UTRN: variants seen among roughly 807,000 people sequenced by gnomAD.
UTRN encodes dystrophin-related protein 1.
A neutral mutation model predicts 463.9 loss-of-function variants in UTRN; 283 were observed. The ratio of observed to expected loss-of-function variants is 0.61; its 90% CI spans 0.55 to 0.67. The LOEUF is 0.67. Among genes scored for constraint, UTRN ranks in the 30% least tolerant of loss-of-function variants. The pLI is 0.00. For missense variants in UTRN, 3,922 were observed against 4,084.3 expected, an observed-to-expected ratio of 0.96 and a Z score of 1.08; for synonymous variants, 1,442 against 1,431.5, an observed-to-expected ratio of 1.01 and a Z score of -0.17.
At chr6:144,539,588 G>A in intron 45 of UTRN, 145 bp downstream of exon 45, 1 of 793,714 alleles carries the variant, frequency 1.3e-6, no homozygotes, top group South Asian at 2.6e-5. Context: ...TTTTTTATCT[G>A]TCATAGACAG....
chr6:144,489,766 C>T (rs1245647229), intron 30 of UTRN, among the ~76,000 whole-genome samples: 1 of 151,946 alleles, frequency 6.6e-6, no homozygotes, highest in Non-Finnish European at 1.5e-5. Flanking sequence ...GGATTATAGG[C>T]GCCCGCCACC....
intron 37 of UTRN, among the ~76,000 whole-genome samples, chr6:144,515,739 C>T (rs1021605232): frequency 5.9e-5 from 9 of 152,148 alleles, no homozygotes; most frequent in Non-Finnish European, 7.4e-5. Flanking sequence ...AATTTTTCTA[C>T]GTAGATGTTA....
At chr6:144,694,012 T>C (rs990326836) in intron 52 of UTRN, among the ~76,000 whole-genome samples, 2 of 152,110 alleles carry the variant, frequency 1.3e-5, no homozygotes, top group Admixed American at 6.6e-5. Flanking sequence ...ATTCAGTATG[T>C]TGTTGGCTGT....
intron 65 of UTRN, among the ~76,000 whole-genome samples, chr6:144,811,938 C>A (rs1358334985): frequency 6.6e-6 from 1 of 152,086 alleles, no homozygotes; most frequent in Admixed American, 6.6e-5. Context: ...ATTCTGTTTG[C>A]GTGCCAAGTG....
intron 58 of UTRN, among the ~76,000 whole-genome samples, chr6:144,765,087 T>C (rs1418840268): frequency 6.6e-6 from 1 of 152,154 alleles, no homozygotes; most frequent in Non-Finnish European, 1.5e-5. Flanking sequence ...TCTGGGCTCA[T>C]GTAGAAATAT....
At chr6:144,303,810 A>G (rs918580997) in intron 2 of UTRN, among the ~76,000 whole-genome samples, 3 of 152,238 alleles carry the variant, frequency 2.0e-5, no homozygotes, top group African/African-American at 4.8e-5. Context: ...GAAAATCTAT[A>G]TACTAAAAGA....
intron 53 of UTRN, among the ~76,000 whole-genome samples, chr6:144,722,321 T>G (rs568968621): frequency 8.4e-6 from 1 of 119,366 alleles, no homozygotes; most frequent in African/African-American, 2.9e-5. Flanking sequence ...TTCCCTCCGG[T>G]TTTTTTTTTT....
intron 3 of UTRN, among the ~76,000 whole-genome samples, chr6:144,409,515 G>GCC (rs1399263358): frequency 6.6e-6 from 1 of 152,110 alleles, no homozygotes; most frequent in Non-Finnish European, 1.5e-5. Context: ...GCCTCTTGTG[G>GCC]CCCCACCATC....
At chr6:144,688,236 A>G (rs1031773188) in intron 52 of UTRN, among the ~76,000 whole-genome samples, 1 of 152,010 alleles carries the variant, frequency 6.6e-6, no homozygotes, top group African/African-American at 2.4e-5. Context: ...GTTTTTTTAA[A>G]TCTATCTCAT....
chr6:144,550,101 A>G (rs932513508), intron 47 of UTRN, among the ~76,000 whole-genome samples: 7 of 152,204 alleles, frequency 4.6e-5, no homozygotes, highest in Non-Finnish European at 1.0e-4. Context: ...AAGGAATAGA[A>G]GAAATTGAGT....
chr6:144,732,243 T>TATATATATATATAC (rs1788670786), intron 54 of UTRN, among the ~76,000 whole-genome samples: 1 of 100,992 alleles, frequency 9.9e-6, no homozygotes, highest in East Asian at 2.6e-4. Flanking sequence ...TATATACATA[T>TATATATATATATAC]ATATATATAT....
At chr6:144,583,915 T>C (rs1357877657) in intron 51 of UTRN, among the ~76,000 whole-genome samples, 1 of 152,230 alleles carries the variant, frequency 6.6e-6, no homozygotes, top group Non-Finnish European at 1.5e-5. Flanking sequence ...TACTTTGCAG[T>C]ATCTTAATAG....
chr6:144,586,072 TC>T (rs1298244697), intron 51 of UTRN, among the ~76,000 whole-genome samples: 2 of 152,170 alleles, frequency 1.3e-5, no homozygotes, highest in Non-Finnish European at 2.9e-5. Flanking sequence ...GTTAGACTTT[TC>T]CCTCTGTGGC....
intron 68 of UTRN, 24 bp from the exon 69 acceptor site, chr6:144,828,766 A>T: frequency 6.2e-7 from 1 of 1,612,056 alleles, no homozygotes; most frequent in Non-Finnish European, 8.5e-7. Flanking sequence ...CATGTTGTCT[A>T]ACCTCCTTAT....
chr6:144,627,040 C>T (rs931465431), intron 51 of UTRN, among the ~76,000 whole-genome samples: 40 of 151,948 alleles, frequency 2.6e-4, no homozygotes, highest in African/African-American at 8.9e-4. Flanking sequence ...AAACACTGAC[C>T]TAGTTTTAGG....
rs537462818 is a variant in UTRN at position 144,624,929 on chromosome 6, G to A, written c.7479+47641G>A. On this transcript the variant is annotated intron_variant, in intron 51 of 74. Transcript: ENST00000367545. ...GACAGAGATTTCTTTTTAGAAAAGA[G>A]AGCGGAATGTGTTTTCTCTGAGGGC... Among the ~76,000 whole-genome samples, 3 of 152,184 alleles carry A rather than the reference G, an allele frequency of 2.0e-5. No homozygotes were observed. The South Asian group carries it at 6.2e-4, about 32-fold the overall frequency.
Position 144,510,987 on chromosome 6 carries a change from C to A in UTRN, c.4808C>A (p.Thr1603Asn), listed in dbSNP as rs1795117397. ...GAAAAGAGAAAAGCTGATTTAAATA[C>A]CATCACAGAGAGTAGTGCTGCCCTG... ...DLEKRKADLN[T>N]ITESSAALQN... Residue 1603 changes from threonine to asparagine, a missense_variant, in exon 35 of 75, where the codon ACC becomes AAC. Thr to Asn is a moderately conservative substitution (Grantham distance 65). Coordinates refer to ENST00000367545, the MANE Select transcript of UTRN (RefSeq NM_007124.3). The A allele has an allele frequency of 1.2e-6, 2 of 1,609,478 alleles. No homozygotes were observed. Among genetic ancestry groups the A allele is most frequent in the Admixed American group, 3.4e-5 (2 of 59,558 alleles).
At chr6:144,301,878 C>T (rs989351014) in intron 2 of UTRN, among the ~76,000 whole-genome samples, 1 of 152,036 alleles carries the variant, frequency 6.6e-6, no homozygotes, top group African/African-American at 2.4e-5. Flanking sequence ...CCCCCTCGCC[C>T]CAAAAACCAC....
chr6:144,795,323 A>G (rs1020599619), intron 63 of UTRN, among the ~76,000 whole-genome samples: 2 of 152,212 alleles, frequency 1.3e-5, no homozygotes, highest in African/African-American at 2.4e-5. Flanking sequence ...ATAGTGCCTC[A>G]GTAAACATAC....
Sources: gnomAD v4.1 joint callset for allele counts (sites outside exome capture counted in the v4.1 genomes callset) on GRCh38, gnomAD v4.1.1 for gene constraint, MANE v1.5 for transcripts, NCBI Gene and HGNC (gene_info 2026-07-23, HGNC 2026-07-21) for gene names.